The following BRWD3 variants were observed in gnomAD, a reference collection of about 807,000 sequenced individuals.
The protein encoded by BRWD3 is bromodomain and WD repeat-containing protein 3.
A neutral mutation model predicts 149.7 loss-of-function variants in BRWD3; 10 were observed. That is an observed-to-expected ratio of 0.07 (90% CI 0.04 to 0.11). BRWD3 has a LOEUF of 0.11. BRWD3 is among the 10% of genes least tolerant of loss of function. BRWD3 has a pLI of 1.00. For missense variants in BRWD3, 940 were observed against 1,373.2 expected (o/e 0.68, Z 4.99); for synonymous variants, 504 against 456.7 (o/e 1.10, Z -1.32).
At chrX:80,733,779 TAA>T (rs1458415750) in intron 11 of BRWD3, among the ~76,000 whole-genome samples, 1 of 111,357 alleles carries the variant, frequency 9.0e-6, no homozygotes, top group Non-Finnish European at 1.9e-5. Context: ...CACACTAATA[TAA>T]GAGAATACCT....
At chrX:80,768,614 C>T (rs986577765) in intron 6 of BRWD3, among the ~76,000 whole-genome samples, 1 of 111,557 alleles carries the variant, frequency 9.0e-6, no homozygotes, top group East Asian at 2.8e-4. Flanking sequence ...CGGTACCAGC[C>T]ACTGCAAAAA....
chrX:80,685,310 ACAAAAAAATAAATGAC>A, intron 36 of BRWD3, 136 bp downstream of exon 36: 1 of 478,250 alleles, frequency 2.1e-6, no homozygotes, highest in South Asian at 3.1e-5. Context: ...AGAAAGAGGA[ACAAAAAAATAAATGAC>A]CAAAAAATCA....
intron 11 of BRWD3, 118 bp from the exon 12 acceptor site, chrX:80,733,614 T>A: frequency 1.8e-6 from 1 of 540,928 alleles, no homozygotes; most frequent in Non-Finnish European, 3.1e-6. Context: ...TTTTTTAATT[T>A]CAATGAAGCC....
chrX:80,733,175 G>T, intron 12 of BRWD3: 1 of 237,630 alleles, frequency 4.2e-6, no homozygotes, highest in Non-Finnish European at 7.4e-6. Flanking sequence ...GAGATGGACA[G>T]GTCAAATAAT....
chrX:80,741,449 G>A (rs1243807596), intron 8 of BRWD3, among the ~76,000 whole-genome samples: 2 of 111,639 alleles, frequency 1.8e-5, no homozygotes, highest in Non-Finnish European at 3.8e-5. Flanking sequence ...TGGGTCAAAT[G>A]GTATTTCTAG....
chrX:80,783,713 T>C (rs2074080040), intron 6 of BRWD3, among the ~76,000 whole-genome samples: 1 of 111,379 alleles, frequency 9.0e-6, no homozygotes, highest in Non-Finnish European at 1.9e-5. Context: ...AAATGTGGTA[T>C]TTATACGCAA....
At chrX:80,748,108 G>A (rs953351638) in intron 6 of BRWD3, among the ~76,000 whole-genome samples, 5 of 111,716 alleles carry the variant, frequency 4.5e-5, no homozygotes, top group Middle Eastern at 4.6e-3. Flanking sequence ...CTCCCAAAGT[G>A]CTGGTGTTAC....
chrX:80,714,563 C>T (rs2147740341), intron 20 of BRWD3, among the ~76,000 whole-genome samples: 1 of 111,588 alleles, frequency 9.0e-6, no homozygotes, highest in East Asian at 2.8e-4. Context: ...AACCAGTGTA[C>T]ATTTTACATC....
intron 8 of BRWD3, among the ~76,000 whole-genome samples, chrX:80,743,538 G>A (rs2073549297): frequency 9.0e-6 from 1 of 111,054 alleles, no homozygotes; most frequent in African/African-American, 3.3e-5. Context: ...GACTTTTTTT[G>A]GTTGGTAAGC....
At chrX:80,730,295 A>G (rs1393092634) in intron 12 of BRWD3, among the ~76,000 whole-genome samples, 3 of 109,768 alleles carry the variant, frequency 2.7e-5, no homozygotes, top group Non-Finnish European at 3.8e-5. Context: ...ATTATTCATA[A>G]TAAGTCAAAA....
chrX:80,789,438 C>T (rs766876133), intron 6 of BRWD3, among the ~76,000 whole-genome samples: 3 of 111,425 alleles, frequency 2.7e-5, no homozygotes, highest in South Asian at 3.8e-4. Context: ...TGCAGTGGCG[C>T]GATCTCGGTT....
At chrX:80,710,548 T>C (rs2072948664) in intron 20 of BRWD3, 2 of 428,783 alleles carry the variant, frequency 4.7e-6, no homozygotes, top group South Asian at 2.5e-5. Context: ...AATGTTTCCA[T>C]TGGAATTGCT....
At chrX:80,783,916 G>A (rs1352125580) in intron 6 of BRWD3, among the ~76,000 whole-genome samples, 2 of 111,054 alleles carry the variant, frequency 1.8e-5, no homozygotes, top group Middle Eastern at 4.6e-3. Flanking sequence ...GGTTACCAGA[G>A]GCTGGGAAGG....
At chrX:80,726,078 G>A (rs74981748) in intron 14 of BRWD3, among the ~76,000 whole-genome samples, 1 of 81,563 alleles carries the variant, frequency 1.2e-5, no homozygotes, top group African/African-American at 4.6e-5. Flanking sequence ...TTTACATGTT[G>A]TCTGTATAAC....
chrX:80,801,214 C>CTTTTTTTT (rs763933804), intron 4 of BRWD3, among the ~76,000 whole-genome samples: 5 of 57,391 alleles, frequency 8.7e-5, no homozygotes, highest in Non-Finnish European at 1.2e-4. Flanking sequence ...GAGAAAACAT[C>CTTTTTTTT]TTTTTTTTTT....
chrX:80,738,410 C>G (rs188579253), intron 8 of BRWD3, among the ~76,000 whole-genome samples: 1 of 111,682 alleles, frequency 9.0e-6, no homozygotes, highest in Admixed American at 9.5e-5. Context: ...GTAATTCTGC[C>G]ATTCAGTGGT....
intron 4 of BRWD3, among the ~76,000 whole-genome samples, chrX:80,803,091 G>A (rs1213380413): frequency 2.9e-5 from 1 of 34,228 alleles, no homozygotes; most frequent in Non-Finnish European, 7.2e-5. Flanking sequence ...GACAGCGCAA[G>A]ACTCCATCTC....
rs973134445 is a variant in BRWD3, at chrX:80,677,601, G to A, written c.4655-238C>T. On this transcript the variant is annotated intron_variant, in intron 40 of 40. Coordinates refer to ENST00000373275, the MANE Select transcript of BRWD3 (RefSeq NM_153252.5). ...TGATGGCCATGAGGTTTAGGCAGAA[G>A]TTTTAAGGGCCTACTTCAGGAAGAA... 2.7e-5 allele frequency among the ~76,000 whole-genome samples: 3 copies of A among 111,369 alleles called. No individual in the cohort carries two copies. The Admixed American group carries it at 2.9e-4, about 11-fold the overall frequency.
intron 20 of BRWD3, among the ~76,000 whole-genome samples, chrX:80,713,030 C>A (rs1202992016): frequency 9.2e-6 from 1 of 108,512 alleles, no homozygotes; most frequent in Non-Finnish European, 1.9e-5. Context: ...GGGGGCCAGC[C>A]CCCCGCCCGG....
Sources: allele counts gnomAD v4.1 joint callset (sites outside exome capture counted in the v4.1 genomes callset), GRCh38; gene constraint gnomAD v4.1.1; transcripts MANE v1.5; gene names NCBI Gene and HGNC (gene_info 2026-07-23, HGNC 2026-07-21).